SOX5: variants seen among roughly 807,000 people sequenced by gnomAD.
SOX5 encodes the protein SRY-box transcription factor 5, also known as transcription factor SOX-5.
In SOX5, 9 loss-of-function variants were observed where a neutral mutation model predicts 92.0. The ratio of observed to expected loss-of-function variants is 0.10; its 90% CI spans 0.06 to 0.17. The LOEUF is 0.17. Among genes scored for constraint, SOX5 ranks in the 10% least tolerant of loss-of-function variants. SOX5 has a pLI of 1.00. For missense variants in SOX5, 642 were observed against 944.5 expected, an observed-to-expected ratio of 0.68 and a Z score of 4.20; for synonymous variants, 344 against 336.3, an observed-to-expected ratio of 1.02 and a Z score of -0.25.
At chr12:23,689,718 A>T (rs2088390949) in intron 6 of SOX5, among the ~76,000 whole-genome samples, 1 of 152,210 alleles carries the variant, frequency 6.6e-6, no homozygotes, top group Non-Finnish European at 1.5e-5. Flanking sequence ...AGGAAAATGT[A>T]GAAAAATAAA....
At chr12:24,439,331 A>G (rs1258309445) in intron 1 of SOX5, among the ~76,000 whole-genome samples, 1 of 152,228 alleles carries the variant, frequency 6.6e-6, no homozygotes, top group African/African-American at 2.4e-5. Flanking sequence ...ATTGATTGTA[A>G]TATTTGCTTT....
chr12:23,700,190 T>A (rs2090434664), intron 6 of SOX5, among the ~76,000 whole-genome samples: 1 of 152,068 alleles, frequency 6.6e-6, no homozygotes, highest in Non-Finnish European at 1.5e-5. Context: ...GGAATTTATA[T>A]CTCTAACTTT....
intron 7 of SOX5, among the ~76,000 whole-genome samples, chr12:23,652,350 C>T (rs1280918917): frequency 6.6e-6 from 1 of 152,018 alleles, no homozygotes; most frequent in Admixed American, 6.6e-5. Flanking sequence ...CTTCCTTCAT[C>T]CATCCCTTCC....
intron 2 of SOX5, among the ~76,000 whole-genome samples, chr12:24,337,109 A>C (rs1196781695): frequency 6.6e-6 from 1 of 152,198 alleles, no homozygotes; most frequent in African/African-American, 2.4e-5. Context: ...ACCAAAGCTT[A>C]ACCAGAGCAA....
chr12:23,759,634 G>A (rs2094509472), intron 3 of SOX5, among the ~76,000 whole-genome samples: 1 of 152,008 alleles, frequency 6.6e-6, no homozygotes, highest in South Asian at 2.1e-4. Context: ...CTCTGAAAAT[G>A]GTAAAGATAT....
At chr12:24,338,226 T>C (rs1952135101) in intron 2 of SOX5, among the ~76,000 whole-genome samples, 1 of 152,182 alleles carries the variant, frequency 6.6e-6, no homozygotes, top group South Asian at 2.1e-4. Context: ...TATTACTGTA[T>C]TGGTCATTTG....
At chr12:24,292,610 C>A (rs1325850157) in intron 2 of SOX5, among the ~76,000 whole-genome samples, 5 of 152,144 alleles carry the variant, frequency 3.3e-5, no homozygotes, top group Non-Finnish European at 5.9e-5. Context: ...CACAATTTCA[C>A]AAAGAGAATT....
At chr12:23,718,921 A>C (rs372869795) in intron 6 of SOX5, among the ~76,000 whole-genome samples, 2 of 152,188 alleles carry the variant, frequency 1.3e-5, no homozygotes, top group East Asian at 1.9e-4. Flanking sequence ...ATAAAATATA[A>C]AATTCTAGGG....
chr12:23,755,063 A>G (rs981197355), intron 4 of SOX5, among the ~76,000 whole-genome samples: 1 of 151,800 alleles, frequency 6.6e-6, no homozygotes, highest in African/African-American at 2.4e-5. Context: ...TTATATGAGG[A>G]AATTAAATCT....
chr12:24,126,862 A>T (rs1222399023), intron 4 of SOX5, among the ~76,000 whole-genome samples: 2 of 151,800 alleles, frequency 1.3e-5, no homozygotes, highest in African/African-American at 4.8e-5. Flanking sequence ...CCTTCACACA[A>T]ATGTCTCCCT....
At chr12:24,461,856 T>C (rs1284434191) in intron 1 of SOX5, among the ~76,000 whole-genome samples, 1 of 152,238 alleles carries the variant, frequency 6.6e-6, no homozygotes, top group Non-Finnish European at 1.5e-5. Flanking sequence ...TATAAAATTA[T>C]ACTTCAGTTT....
At chr12:24,425,396 G>A (rs576083163) in intron 1 of SOX5, among the ~76,000 whole-genome samples, 1 of 152,162 alleles carries the variant, frequency 6.6e-6, no homozygotes, top group African/African-American at 2.4e-5. Flanking sequence ...AACTTCGACA[G>A]GCATCAGATG....
intron 1 of SOX5, among the ~76,000 whole-genome samples, chr12:23,930,706 G>C (rs1441041571): frequency 6.6e-6 from 1 of 151,674 alleles, no homozygotes; most frequent in African/African-American, 2.4e-5. Context: ...TCACAAATGA[G>C]TAAACTGAGG....
rs575133973 is a variant in SOX5 at position 23,617,847 on chromosome 12, C to T, written c.1018-13314G>A. On this transcript the variant is annotated intron_variant, in intron 8 of 14. Coordinates refer to ENST00000451604, the MANE Select transcript of SOX5 (RefSeq NM_006940.6). ...TCCTTAAAGAACCAGATATATTTTG[C>T]GAGAGTCATGTAAGAACACCCCAAC... 6.4e-4 allele frequency among the ~76,000 whole-genome samples: 98 copies of T among 152,198 alleles called. 3 individuals are homozygous for T. The South Asian group carries it at 0.019, about 29-fold the overall frequency.
chr12:24,020,374 A>G (rs545388641), intron 4 of SOX5, among the ~76,000 whole-genome samples: 5 of 152,298 alleles, frequency 3.3e-5, no homozygotes, highest in African/African-American at 9.6e-5. Flanking sequence ...GTAAAAACAG[A>G]CAAAAGAAAC....
At position 24,247,294 on chromosome 12, in the gene SOX5, G is replaced by A. The variant is rs191014239; in HGVS notation, c.-77+29922C>T. On this transcript the variant is annotated intron_variant, in intron 3 of 4. Transcript: ENST00000446891. The stretch of plus-strand genomic sequence containing the variant: ...TGATTCTAGACTGAGATACTTCTTG[G>A]AAGAAAGGAACACAGTAGGAGGTTG... Among the ~76,000 whole-genome samples, 279 of 152,196 alleles carry A rather than the reference G, an allele frequency of 1.8e-3. 3 individuals are homozygous for A. The highest frequency in any genetic ancestry group is 1.9e-4 in the Non-Finnish European group (13 of 68,006).
chr12:23,999,494 A>G (rs1245414697), intron 4 of SOX5, among the ~76,000 whole-genome samples: 4 of 152,102 alleles, frequency 2.6e-5, no homozygotes, highest in Admixed American at 6.6e-5. Context: ...GAGGTGATAG[A>G]TATGTTAACT....
intron 7 of SOX5, among the ~76,000 whole-genome samples, chr12:23,661,767 T>C (rs2083081907): frequency 6.6e-6 from 1 of 152,316 alleles, no homozygotes; most frequent in African/African-American, 2.4e-5. Flanking sequence ...TCTTCAACCA[T>C]CCACTGTGTA....
chr12:24,425,658 A>G (rs747873720), intron 1 of SOX5, among the ~76,000 whole-genome samples: 2 of 152,244 alleles, frequency 1.3e-5, no homozygotes, highest in African/African-American at 4.8e-5. Flanking sequence ...AAAATGTAAA[A>G]GAACATTTCT....
Sources: allele counts gnomAD v4.1 joint callset (sites outside exome capture counted in the v4.1 genomes callset), GRCh38; gene constraint gnomAD v4.1.1; transcripts MANE v1.5; gene names NCBI Gene and HGNC (gene_info 2026-07-23, HGNC 2026-07-21).